MAN2A1: variants seen among roughly 807,000 people sequenced by gnomAD.
The protein encoded by MAN2A1 is mannosidase alpha class 2A member 1, also known as alpha-mannosidase 2.
A neutral mutation model predicts 142.6 loss-of-function variants in MAN2A1; 76 were observed. The ratio of observed to expected loss-of-function variants is 0.53; its 90% CI spans 0.44 to 0.65. MAN2A1 has a LOEUF of 0.65. Ranked by LOEUF, MAN2A1 falls within the 30% of genes least tolerant of loss-of-function variation. MAN2A1 has a pLI of 0.00. For synonymous variants in MAN2A1, 559 were observed against 473.2 expected, an observed-to-expected ratio of 1.18 and a Z score of -2.35; for missense variants, 1,311 against 1,365.1, an observed-to-expected ratio of 0.96 and a Z score of 0.62.
At chr5:109,796,679 T>A (rs1033222597) in intron 12 of MAN2A1, among the ~76,000 whole-genome samples, 1 of 152,198 alleles carries the variant, frequency 6.6e-6, no homozygotes, top group African/African-American at 2.4e-5. Context: ...ATATTCTTTG[T>A]TGAAGAAAGA....
At position 109,703,085 on chromosome 5, in the gene MAN2A1, C is replaced by T. The variant is rs75866774; in HGVS notation, c.136-10435C>T. On this transcript the variant is annotated intron_variant, in intron 1 of 21. Transcript: ENST00000261483. ...GGTTGATTATCTACTTAATACAACC[C>T]TGCCTTCAGAGGCTTTCCAAAACTA... is the stretch of plus-strand genomic sequence containing the variant. 7.2e-3 allele frequency among the ~76,000 whole-genome samples: 1,096 copies of T among 152,300 alleles called. 19 individuals carry two copies. Among genetic ancestry groups the T allele is most frequent in the African/African-American group, 0.025 (1,029 of 41,556 alleles).
chr5:109,831,902 A>T (rs1754916459), intron 16 of MAN2A1, among the ~76,000 whole-genome samples: 1 of 151,482 alleles, frequency 6.6e-6, no homozygotes, highest in Admixed American at 6.5e-5. Context: ...ATTGAGATAT[A>T]AAAATTATTA....
chr5:109,758,851 G>T (rs1162516978), intron 5 of MAN2A1, among the ~76,000 whole-genome samples: 3 of 151,694 alleles, frequency 2.0e-5, no homozygotes, highest in African/African-American at 7.3e-5. Context: ...TGGAAAAGAT[G>T]ATTCTTTCCT....
intron 11 of MAN2A1, 47 bp from the exon 12 acceptor site, chr5:109,789,413 C>G (rs760828460): frequency 4.8e-5 from 53 of 1,102,346 alleles, no homozygotes; most frequent in Non-Finnish European, 4.1e-5. Context: ...CAGGATGAGT[C>G]CATGGAGTGT....
At chr5:109,801,619 G>A (rs2042165) in intron 12 of MAN2A1, among the ~76,000 whole-genome samples, 6 of 151,902 alleles carry the variant, frequency 3.9e-5, no homozygotes, top group Admixed American at 3.3e-4. Flanking sequence ...GCAGCTACCA[G>A]ATTTTCTGTC....
chr5:109,813,283 C>T (rs1754367016), intron 12 of MAN2A1, among the ~76,000 whole-genome samples: 3 of 152,180 alleles, frequency 2.0e-5, no homozygotes, highest in Admixed American at 2.0e-4. Flanking sequence ...AAGTTCTTCA[C>T]ATTTGAATTT....
chr5:109,778,177 A>C (rs775723200), intron 8 of MAN2A1, among the ~76,000 whole-genome samples: 3 of 151,968 alleles, frequency 2.0e-5, no homozygotes, highest in African/African-American at 7.2e-5. Flanking sequence ...GGGCCATCTA[A>C]TCGATGAACG....
chr5:109,865,197 C>G, intron 21 of MAN2A1, 51 bp downstream of exon 21: 1 of 1,267,640 alleles, frequency 7.9e-7, no homozygotes, highest in Non-Finnish European at 1.2e-6. Flanking sequence ...TTGAAATCCT[C>G]TTTCTGCAAA....
intron 20 of MAN2A1, among the ~76,000 whole-genome samples, chr5:109,858,138 A>G (rs750696933): frequency 1.4e-4 from 21 of 152,236 alleles, no homozygotes; most frequent in Non-Finnish European, 2.5e-4. Flanking sequence ...TGAAATGTTA[A>G]TAATGCCTAT....
In MAN2A1 at chr5:109,763,162, T is replaced by G. The variant is rs144950658; in HGVS notation, c.836-4373T>G. 1.9e-3 allele frequency among the ~76,000 whole-genome samples: 293 copies of G among 152,324 alleles called. 2 individuals are homozygous for G. The highest frequency in any genetic ancestry group is 6.1e-3 in the African/African-American group (255 of 41,586). ...TGGTACATATTCAAGTTCAGTTTGA[T>G]TATGTGGCACCTAGCACAAGTGACT... On this transcript the variant is annotated intron_variant, in intron 5 of 21. Coordinates refer to ENST00000261483, the MANE Select transcript of MAN2A1 (RefSeq NM_002372.4).
At chr5:109,697,946 A>G (rs999003524) in intron 1 of MAN2A1, among the ~76,000 whole-genome samples, 6 of 152,180 alleles carry the variant, frequency 3.9e-5, no homozygotes, top group Admixed American at 1.3e-4. Flanking sequence ...GGGAACTTTG[A>G]TGCTAGAGCA....
chr5:109,804,172 A>G (rs931053879), intron 12 of MAN2A1: 22 of 987,256 alleles, frequency 2.2e-5, no homozygotes, highest in Non-Finnish European at 2.7e-5. Context: ...AGCGTGCACA[A>G]CAAGAGGAAC....
intron 12 of MAN2A1, among the ~76,000 whole-genome samples, chr5:109,795,838 C>T (rs1157355113): frequency 6.6e-6 from 1 of 152,056 alleles, no homozygotes; most frequent in African/African-American, 2.4e-5. Context: ...TCCTCCCTGC[C>T]TAAGGTCTCT....
chr5:109,768,048 A>G (rs1753041199), intron 6 of MAN2A1, among the ~76,000 whole-genome samples: 1 of 152,214 alleles, frequency 6.6e-6, no homozygotes, highest in African/African-American at 2.4e-5. Flanking sequence ...ATATCCAGTC[A>G]TATATCTTAT....
chr5:109,866,017 T>A (rs1210505403), intron 21 of MAN2A1, among the ~76,000 whole-genome samples: 1 of 152,050 alleles, frequency 6.6e-6, no homozygotes, highest in African/African-American at 2.4e-5. Context: ...CCCTACAAAT[T>A]AGCATGTGTG....
chr5:109,770,912 A>G (rs1036425534), intron 7 of MAN2A1, among the ~76,000 whole-genome samples: 4 of 152,214 alleles, frequency 2.6e-5, no homozygotes, highest in Non-Finnish European at 5.9e-5. Context: ...ATTCAACTGC[A>G]AAAACACATT....
At chr5:109,734,885 G>T (rs1179187017) in intron 4 of MAN2A1, among the ~76,000 whole-genome samples, 3 of 152,164 alleles carry the variant, frequency 2.0e-5, no homozygotes, top group Non-Finnish European at 4.4e-5. Flanking sequence ...TGTCTGTTAG[G>T]TCCACTTGGT....
chr5:109,750,616 A>G (rs2112620451), intron 4 of MAN2A1, among the ~76,000 whole-genome samples: 1 of 152,218 alleles, frequency 6.6e-6, no homozygotes, highest in Non-Finnish European at 1.5e-5. Context: ...TTATGATGTC[A>G]TTTATATATG....
At chr5:109,821,960 A>G (rs1754634617) in intron 15 of MAN2A1, among the ~76,000 whole-genome samples, 1 of 151,550 alleles carries the variant, frequency 6.6e-6, no homozygotes, top group Non-Finnish European at 1.5e-5. Flanking sequence ...TAGGTTTTCT[A>G]TACCTCAAGA....
Sources: gnomAD v4.1 joint callset for allele counts (sites outside exome capture counted in the v4.1 genomes callset) on GRCh38, gnomAD v4.1.1 for gene constraint, MANE v1.5 for transcripts, NCBI Gene and HGNC (gene_info 2026-07-23, HGNC 2026-07-21) for gene names.